The following MRPS21 variants were observed in gnomAD, a reference collection of about 807,000 sequenced individuals.
MRPS21 encodes the protein mitochondrial ribosomal protein S21, also known as small ribosomal subunit protein bS21m.
In MRPS21, 8 loss-of-function variants were observed where a neutral mutation model predicts 9.9. That is an observed-to-expected ratio of 0.81 (90% CI 0.47 to 1.45). The LOEUF (loss-of-function observed/expected upper bound fraction) is 1.45, where lower values mean the gene tolerates loss of function less well. Ranked by LOEUF, MRPS21 falls within the 40% of genes most tolerant of loss-of-function variation. The probability of loss-of-function intolerance (pLI) is 0.00; values close to 1 mark genes in which losing one functional copy is unlikely to be tolerated. For synonymous variants in MRPS21, 40 were observed against 40.3 expected, an observed-to-expected ratio of 0.99 and a Z score of 0.03; for missense variants, 101 against 118.9, an observed-to-expected ratio of 0.85 and a Z score of 0.70.
Position 150,308,332 on chromosome 1 carries a change from C to T in MRPS21, c.*104C>T. The T allele has an allele frequency of 1.7e-6, 2 of 1,208,514 alleles. No homozygotes were observed. The highest frequency in any genetic ancestry group is 2.3e-6 in the Non-Finnish European group (2 of 881,644). The allele number at this position is 1,208,514 out of a possible 1,614,324, so 74.9% of individuals were successfully genotyped here. On this transcript the variant is annotated 3_prime_UTR_variant, in exon 3 of 3. Transcript: ENST00000614145. ...CTATTACCATTCTCTGCAATAAACT[C>T]AAATCACATGTCTGCAAGAAGGCCT... is the stretch of plus-strand genomic sequence containing the variant.
intron 2 of MRPS21, among the ~76,000 whole-genome samples, chr1:150,302,899 G>A (rs1451119012): frequency 6.6e-6 from 1 of 152,110 alleles, no homozygotes; most frequent in African/African-American, 2.4e-5. Flanking sequence ...ATCCTCACCT[G>A]GCATCTTGGA....
intron 2 of MRPS21, among the ~76,000 whole-genome samples, chr1:150,295,387 C>G (rs1653878978): frequency 6.6e-6 from 1 of 152,176 alleles, no homozygotes; most frequent in South Asian, 2.1e-4. Context: ...GTGACGCACG[C>G]CACCACCGCA....
Position 150,294,381 on chromosome 1 carries a change from G to A in MRPS21, c.15G>A (p.Leu5=). The A allele has an allele frequency of 6.2e-7, 1 of 1,613,448 alleles. No homozygotes were observed. Among genetic ancestry groups the A allele is most frequent in the South Asian group, 1.1e-5 (1 of 91,056 alleles). ...AATCCAAGGTCATGGCAAAACATCT[G>A]AAGTTCATCGCCAGGACTGTGATGG... The part of the protein sequence containing the change: MAKH[L]KFIARTVMVQ... Residue 5 remains leucine, a synonymous_variant, in exon 2 of 3, where the codon CTG becomes CTA. Transcript: ENST00000614145.
At chr1:150,295,624 C>T (rs1233349938) in intron 2 of MRPS21, among the ~76,000 whole-genome samples, 2 of 152,008 alleles carry the variant, frequency 1.3e-5, no homozygotes, top group African/African-American at 2.4e-5. Flanking sequence ...AGATTGGCAT[C>T]CTAGAGAAGC....
chr1:150,307,586 T>A (rs1327943845), intron 2 of MRPS21, among the ~76,000 whole-genome samples: 3 of 151,934 alleles, frequency 2.0e-5, no homozygotes, highest in African/African-American at 7.3e-5. Context: ...AATATTTTTT[T>A]TCTTTTTTGA....
At chr1:150,295,872 A>T (rs782073822) in intron 2 of MRPS21, among the ~76,000 whole-genome samples, 4 of 152,126 alleles carry the variant, frequency 2.6e-5, no homozygotes, top group Non-Finnish European at 4.4e-5. Context: ...GAAACAAACT[A>T]GCTGGGGTGG....
chr1:150,299,036 C>T (rs1263169773), intron 2 of MRPS21, among the ~76,000 whole-genome samples: 6 of 151,992 alleles, frequency 3.9e-5, no homozygotes, highest in African/African-American at 9.7e-5. Context: ...GCCAACATGG[C>T]GAAACCCCGT....
At chr1:150,299,675 G>C (rs1008314031) in intron 2 of MRPS21, among the ~76,000 whole-genome samples, 1 of 151,976 alleles carries the variant, frequency 6.6e-6, no homozygotes, top group Non-Finnish European at 1.5e-5. Context: ...GGCTGGTCTC[G>C]AACTCCTGAC....
intron 2 of MRPS21, among the ~76,000 whole-genome samples, chr1:150,307,348 C>CTTTTTT (rs1572154026): frequency 0.031 from 2,732 of 87,216 alleles, 358 homozygotes; most frequent in African/African-American, 0.083. Context: ...GTGCCCAGTC[C>CTTTTTT]TTTTTTTTTT....
intron 2 of MRPS21, chr1:150,303,999 C>G (rs1261875803): frequency 2.2e-6 from 1 of 445,048 alleles, no homozygotes; most frequent in Admixed American, 2.4e-5. Flanking sequence ...CAATGTAATA[C>G]TGTTTGATCA....
At chr1:150,303,980 TGAG>T (rs1247165277) in intron 2 of MRPS21, 1 of 454,110 alleles carries the variant, frequency 2.2e-6, no homozygotes, top group Non-Finnish European at 4.4e-6. Flanking sequence ...CACAACCCAA[TGAG>T]GGGTTCAATG....
At chr1:150,299,908 A>T (rs2101906150) in intron 2 of MRPS21, among the ~76,000 whole-genome samples, 1 of 152,246 alleles carries the variant, frequency 6.6e-6, no homozygotes, top group South Asian at 2.1e-4. Flanking sequence ...TCACCTAGGG[A>T]ACGAACCATC....
At chr1:150,294,823 G>A (rs55796697) in intron 2 of MRPS21, among the ~76,000 whole-genome samples, 1 of 149,014 alleles carries the variant, frequency 6.7e-6, no homozygotes, top group South Asian at 2.1e-4. Flanking sequence ...GCTTGAACCC[G>A]GGAGGCAGAG....
At chr1:150,302,567 G>A (rs1308100070) in intron 2 of MRPS21, among the ~76,000 whole-genome samples, 3 of 152,092 alleles carry the variant, frequency 2.0e-5, no homozygotes, top group Non-Finnish European at 4.4e-5. Context: ...AGGCAGCTTG[G>A]CTCCTTTTAC....
chr1:150,298,512 A>C (rs111306845), intron 2 of MRPS21, among the ~76,000 whole-genome samples: 22 of 152,360 alleles, frequency 1.4e-4, no homozygotes, highest in Middle Eastern at 3.4e-3. Flanking sequence ...TTATTCCTAA[A>C]GTATAGATAA....
intron 2 of MRPS21, 23 bp from the exon 3 acceptor site, chr1:150,308,025 C>T (rs782483427): frequency 6.5e-6 from 10 of 1,546,714 alleles, no homozygotes; most frequent in Middle Eastern, 1.7e-4. Context: ...AAATGTCTAA[C>T]CTCATTGCTT....
rs150060101 is a variant in MRPS21, at chr1:150,307,855, C to G, written c.84-193C>G. The stretch of plus-strand genomic sequence containing the variant: ...GCTCCCAGGGTGGTGGGATTACAGG[C>G]ATGAGCCACTGCACCCGGCCCACAG... On this transcript the variant is annotated intron_variant, in intron 2 of 2. Coordinates refer to ENST00000614145, the MANE Select transcript of MRPS21 (RefSeq NM_031901.6). 8.4e-3 allele frequency among the ~76,000 whole-genome samples: 1,276 copies of G among 152,306 alleles called. 24 individuals are homozygous for G. Among genetic ancestry groups the G allele is most frequent in the African/African-American group, 0.029 (1,221 of 41,564 alleles).
chr1:150,297,152 G>A (rs1042528813), intron 2 of MRPS21, among the ~76,000 whole-genome samples: 3 of 152,082 alleles, frequency 2.0e-5, no homozygotes, highest in Non-Finnish European at 2.9e-5. Flanking sequence ...TTAGCCGGGC[G>A]TGGTGGCACA....
At chr1:150,295,362 G>GA (rs1653877954) in intron 2 of MRPS21, among the ~76,000 whole-genome samples, 1 of 152,116 alleles carries the variant, frequency 6.6e-6, no homozygotes, top group Non-Finnish European at 1.5e-5. Context: ...TCAGTCTCCT[G>GA]ACTAGCTGGG....
Sources: allele counts gnomAD v4.1 joint callset (sites outside exome capture counted in the v4.1 genomes callset), GRCh38; gene constraint gnomAD v4.1.1; transcripts MANE v1.5; gene names NCBI Gene and HGNC (gene_info 2026-07-23, HGNC 2026-07-21).